The following KMT2C variants were observed in gnomAD, a reference collection of about 807,000 sequenced individuals.
KMT2C encodes histone-lysine N-methyltransferase 2C.
KMT2C carries 88 observed loss-of-function variants against 507.9 expected under a neutral mutation model. The ratio of observed to expected loss-of-function variants is 0.17; its 90% CI spans 0.15 to 0.21. The LOEUF is 0.21. Among genes scored for constraint, KMT2C ranks in the 10% least tolerant of loss-of-function variants. The pLI, the probability that KMT2C is intolerant of heterozygous loss-of-function variation, is 1.00. For synonymous variants in KMT2C, 2,049 were observed against 2,080.8 expected (o/e 0.98, Z 0.42); for missense variants, 4,954 against 5,957.8 (o/e 0.83, Z 5.55).
intron 6 of KMT2C, among the ~76,000 whole-genome samples, chr7:152,297,047 A>AGACAGAG (rs1563766837): frequency 8.7e-5 from 6 of 68,924 alleles, no homozygotes; most frequent in Admixed American, 1.6e-4. Flanking sequence ...GAAAGAAAGA[A>AGACAGAG]AGAAAGACAG....
chr7:152,204,257 C>T (rs970826798), intron 25 of KMT2C, among the ~76,000 whole-genome samples: 7 of 152,092 alleles, frequency 4.6e-5, no homozygotes, highest in Admixed American at 4.6e-4. Context: ...GAGACGGCAC[C>T]ACAGCACTCC....
intron 24 of KMT2C, 121 bp from the exon 25 acceptor site, chr7:152,205,346 A>AT (rs1368112068): frequency 1.7e-6 from 1 of 599,538 alleles, no homozygotes; most frequent in East Asian, 3.3e-5. Flanking sequence ...ATCTGTGCTA[A>AT]TCTAAATCAA....
At chr7:152,255,488 C>G (rs2095645585) in intron 9 of KMT2C, among the ~76,000 whole-genome samples, 1 of 151,832 alleles carries the variant, frequency 6.6e-6, no homozygotes, top group Non-Finnish European at 1.5e-5. Flanking sequence ...AAATGTGATT[C>G]CAATAAAAAT....
chr7:152,174,035 A>T (rs986611698), intron 39 of KMT2C, 96 bp downstream of exon 39: 7 of 674,390 alleles, frequency 1.0e-5, no homozygotes, highest in Middle Eastern at 2.5e-4. Context: ...ATTCCTAGAC[A>T]AGGGCTTTCC....
intron 1 of KMT2C, among the ~76,000 whole-genome samples, chr7:152,392,834 T>C (rs1439443991): frequency 6.6e-6 from 1 of 152,160 alleles, no homozygotes; most frequent in African/African-American, 2.4e-5. Flanking sequence ...TAATACAATA[T>C]AAGTAAAATA....
At chr7:152,304,835 C>A (rs937954114) in intron 6 of KMT2C, among the ~76,000 whole-genome samples, 1 of 152,148 alleles carries the variant, frequency 6.6e-6, no homozygotes, top group Non-Finnish European at 1.5e-5. Flanking sequence ...GGCACTGCAC[C>A]TAGCCAAGGT....
At chr7:152,223,488 C>T (rs1476739422) in intron 20 of KMT2C, among the ~76,000 whole-genome samples, 1 of 151,918 alleles carries the variant, frequency 6.6e-6, no homozygotes, top group Non-Finnish European at 1.5e-5. Context: ...CTCAAAAAGG[C>T]CTAAATTAAA....
intron 14 of KMT2C, among the ~76,000 whole-genome samples, chr7:152,247,621 A>T (rs367572422): frequency 0.025 from 3,290 of 130,036 alleles, no homozygotes; most frequent in South Asian, 0.045. Context: ...GAACTAAAAG[A>T]ATTTTTAAAG....
chr7:152,172,483 GT>G (rs2093008370), intron 39 of KMT2C, among the ~76,000 whole-genome samples: 2 of 152,242 alleles, frequency 1.3e-5, no homozygotes, highest in South Asian at 2.1e-4. Flanking sequence ...ATCACCTGAG[GT>G]CAGAAGTTCA....
intron 42 of KMT2C, among the ~76,000 whole-genome samples, chr7:152,165,926 G>A (rs1385795608): frequency 1.3e-5 from 2 of 152,122 alleles, no homozygotes; most frequent in Non-Finnish European, 2.9e-5. Context: ...GGCCTCAGGT[G>A]ATCCGCCTGT....
intron 2 of KMT2C, among the ~76,000 whole-genome samples, chr7:152,353,102 G>A (rs1176499647): frequency 6.6e-6 from 1 of 152,178 alleles, no homozygotes; most frequent in Non-Finnish European, 1.5e-5. Context: ...AATGCGCAGA[G>A]ACTGGTAACA....
chr7:152,256,765 T>C (rs1206801511), intron 9 of KMT2C, among the ~76,000 whole-genome samples: 1 of 151,968 alleles, frequency 6.6e-6, no homozygotes, highest in Non-Finnish European at 1.5e-5. Context: ...GAAAAAACGA[T>C]CAACTTCACT....
intron 2 of KMT2C, among the ~76,000 whole-genome samples, chr7:152,335,751 C>G (rs2096927865): frequency 6.6e-6 from 1 of 152,064 alleles, no homozygotes; most frequent in African/African-American, 2.4e-5. Context: ...GGAAAAGAAG[C>G]AGGACAATGT....
At chr7:152,329,911 C>T (rs1032346144) in intron 3 of KMT2C, among the ~76,000 whole-genome samples, 4 of 151,792 alleles carry the variant, frequency 2.6e-5, no homozygotes, top group Non-Finnish European at 5.9e-5. Flanking sequence ...TTTGGGAAGC[C>T]GAGGCAGGTG....
intron 53 of KMT2C, among the ~76,000 whole-genome samples, chr7:152,146,059 C>CA (rs1455971087): frequency 6.6e-5 from 10 of 152,188 alleles, no homozygotes; most frequent in Non-Finnish European, 2.9e-5. Flanking sequence ...TAGAATCATA[C>CA]AATTTTCTAA....
intron 1 of KMT2C, among the ~76,000 whole-genome samples, chr7:152,413,498 C>T (rs62495281): frequency 6.6e-6 from 1 of 152,036 alleles, no homozygotes; most frequent in Admixed American, 6.6e-5. Context: ...AGATACAATG[C>T]AACTTTCTAG....
chr7:152,384,062 G>C (rs2097399097), intron 1 of KMT2C, among the ~76,000 whole-genome samples: 1 of 151,972 alleles, frequency 6.6e-6, no homozygotes, highest in Non-Finnish European at 1.5e-5. Flanking sequence ...GTGTGCGTGT[G>C]TGTAGGCGCG....
intron 14 of KMT2C, among the ~76,000 whole-genome samples, chr7:152,243,308 G>C (rs549673318): frequency 4.8e-4 from 73 of 152,268 alleles, no homozygotes; most frequent in Non-Finnish European, 9.3e-4. Context: ...CTTCTAATCG[G>C]CTGTGTTGTT....
chr7:152,162,402 T>C lies in KMT2C; in HGVS notation c.11175A>G (p.Thr3725=), dbSNP rs748834574. ...TEEIKLEKAE[T]ESCPGQEEPK... The stretch of plus-strand genomic sequence containing the variant: ...GCTCCTCTTGGCCTGGGCAGGACTC[T>C]GTCTCAGCCTTTTCCAGTTTTATCT... The change falls in exon 43 of 59, where the codon ACA becomes ACG. Residue 3725 remains threonine (T), a synonymous_variant. Transcript: ENST00000262189. 7.4e-6 allele frequency: 12 copies of C among 1,614,256 alleles called. No homozygotes were observed. Among genetic ancestry groups the C allele is most frequent in the Non-Finnish European group, 1.0e-5 (12 of 1,180,048 alleles).
Sources: allele counts gnomAD v4.1 joint callset (sites outside exome capture counted in the v4.1 genomes callset), GRCh38; gene constraint gnomAD v4.1.1; transcripts MANE v1.5; gene names NCBI Gene and HGNC (gene_info 2026-07-23, HGNC 2026-07-21).